The following UBN2 variants were observed in gnomAD, a reference collection of about 807,000 sequenced individuals.
UBN2 encodes ubinuclein-2.
UBN2 carries 35 observed loss-of-function variants against 120.2 expected under a neutral mutation model. The observed-to-expected ratio is 0.29, with a 90% CI of 0.22 to 0.39. UBN2 has a LOEUF of 0.39. UBN2 is among the 10% of genes least tolerant of loss of function. The pLI is 1.00. For synonymous variants in UBN2, 661 were observed against 648.7 expected (o/e 1.02, Z -0.29); for missense variants, 1,693 against 1,663.2 (o/e 1.02, Z -0.31).
rs570291256 is a variant in UBN2 at position 139,285,788 on chromosome 7, G to A, written c.3669+1214G>A. 1.9e-3 allele frequency among the ~76,000 whole-genome samples: 293 copies of A among 151,726 alleles called. 1 individual carries two copies. The highest frequency in any genetic ancestry group is 6.6e-3 in the African/African-American group (274 of 41,418). ...GACAGAGTCTCGCTCTGTCGTCCACGCTGGAGGGCAGTGGCGCAATCTTGG... is the reference window on the plus strand; with the variant it reads ...GACAGAGTCTCGCTCTGTCGTCCACACTGGAGGGCAGTGGCGCAATCTTGG... On this transcript the variant is annotated intron_variant, in intron 15 of 17. Transcript: ENST00000473989.
At position 139,284,115 on chromosome 7, in the gene UBN2, A is replaced by G. The variant is rs1427703491; in HGVS notation, c.3210A>G (p.Ser1070=). The G allele has an allele frequency of 2.5e-6, 4 of 1,614,016 alleles. No individual in the cohort carries two copies. Among genetic ancestry groups the G allele is most frequent in the South Asian group, 1.1e-5 (1 of 91,072 alleles). Residue 1070 remains serine, a synonymous_variant, in exon 15 of 18, where the codon TCA becomes TCG. Coordinates refer to ENST00000473989, the MANE Select transcript of UBN2 (RefSeq NM_173569.4). ...AGCCCTCTCTGTCAGCTAAGCCTTC[A>G]GTATCAACTAAACTTATTTCTAAAT... ...SPKPSLSAKP[S]VSTKLISKSN... is the part of the protein sequence containing the mutation.
At chr7:139,235,610 T>C (rs1157044440) in intron 1 of UBN2, among the ~76,000 whole-genome samples, 1 of 152,180 alleles carries the variant, frequency 6.6e-6, no homozygotes, top group African/African-American at 2.4e-5. Flanking sequence ...TTTCACCATG[T>C]TGGCTAGCCT....
chr7:139,268,796 C>A (rs991747065), intron 7 of UBN2, among the ~76,000 whole-genome samples: 1 of 152,146 alleles, frequency 6.6e-6, no homozygotes, highest in Admixed American at 6.5e-5. Flanking sequence ...TTGTGCTTTA[C>A]CCAAAACCAT....
chr7:139,317,987 T>TA, the UBN2 span, among the ~76,000 whole-genome samples: 1 of 152,162 alleles, frequency 6.6e-6, no homozygotes, highest in African/African-American at 2.4e-5. Flanking sequence ...TTTATCCACT[T>TA]TCCTGAGTTT....
chr7:139,240,446 A>G (rs1371069149), intron 2 of UBN2, among the ~76,000 whole-genome samples: 5 of 39,554 alleles, frequency 1.3e-4, no homozygotes, highest in African/African-American at 2.0e-4. Flanking sequence ...ATATATATAT[A>G]TATATATATT....
intron 2 of UBN2, among the ~76,000 whole-genome samples, chr7:139,251,723 A>T (rs1160325540): frequency 6.6e-6 from 1 of 152,214 alleles, no homozygotes; most frequent in Non-Finnish European, 1.5e-5. Flanking sequence ...GTAGTCACCT[A>T]GAGAGGTAGT....
intron 6 of UBN2, among the ~76,000 whole-genome samples, chr7:139,263,677 G>A (rs1406946423): frequency 6.6e-6 from 1 of 151,724 alleles, no homozygotes; most frequent in Non-Finnish European, 1.5e-5. Flanking sequence ...GGGAGGCTGA[G>A]GTGGGAGAAT....
intron 3 of UBN2, among the ~76,000 whole-genome samples, chr7:139,256,081 C>T (rs1796758455): frequency 6.6e-6 from 1 of 152,128 alleles, no homozygotes; most frequent in African/African-American, 2.4e-5. Context: ...AGTGTGTTAC[C>T]TCTTAACACA....
At chr7:139,323,611 C>T in the UBN2 span, among the ~76,000 whole-genome samples, 15 of 148,624 alleles carry the variant, frequency 1.0e-4, no homozygotes, top group South Asian at 3.2e-3. Flanking sequence ...ATTTTTGAGA[C>T]GGAGTCTCAC....
In UBN2 at chr7:139,303,297, A is replaced by AT. The variant is rs1798302165; in HGVS notation, c.*5467dup. 2 of 152,210 alleles carry AT rather than the reference A, an allele frequency of 1.3e-5. No individual in the cohort carries two copies. Among genetic ancestry groups the AT allele is most frequent in the African/African-American group, 2.4e-5 (1 of 41,452 alleles). The allele number at this position is 152,210 out of a possible 1,614,324, so 9.4% of individuals were successfully genotyped here. The stretch of plus-strand genomic sequence containing the variant: ...AATTTTCAGTATCTAAGATTCATCG[A>AT]TTTTTTGTTGAAAACAAATAGATGT... On this transcript the variant is annotated 3_prime_UTR_variant, in exon 18 of 18. Transcript: ENST00000473989.
chr7:139,268,993 G>A (rs1049886393), intron 7 of UBN2, among the ~76,000 whole-genome samples: 1 of 152,122 alleles, frequency 6.6e-6, no homozygotes, highest in African/African-American at 2.4e-5. Flanking sequence ...GATCATCTGA[G>A]GTCAGGAGTT....
At chr7:139,318,175 A>G in the UBN2 span, among the ~76,000 whole-genome samples, 1 of 152,178 alleles carries the variant, frequency 6.6e-6, no homozygotes, top group African/African-American at 2.4e-5. Context: ...TACTCTTAAA[A>G]TACCTGGTGA....
At chr7:139,240,352 C>A (rs2130934879) in intron 2 of UBN2, among the ~76,000 whole-genome samples, 1 of 149,846 alleles carries the variant, frequency 6.7e-6, no homozygotes, top group East Asian at 1.9e-4. Context: ...GTCTTAAACT[C>A]ATGAGCCTAA....
At chr7:139,329,101 C>G in the UBN2 span, among the ~76,000 whole-genome samples, 12 of 151,276 alleles carry the variant, frequency 7.9e-5, no homozygotes, top group Non-Finnish European at 1.5e-4. Flanking sequence ...TAATTATAAA[C>G]TTCAAGGCCA....
At chr7:139,251,062 G>GC (rs1796611591) in intron 2 of UBN2, among the ~76,000 whole-genome samples, 1 of 152,074 alleles carries the variant, frequency 6.6e-6, no homozygotes, top group Non-Finnish European at 1.5e-5. Context: ...CCATGATCAT[G>GC]CCACTGCACT....
At position 139,273,339 on chromosome 7, in the gene UBN2, G is replaced by A; in HGVS notation, c.1758G>A (p.Glu586=). The change falls in exon 10 of 18, where the codon GAG becomes GAA. Residue 586 remains glutamate, a synonymous_variant. Coordinates refer to ENST00000473989, the MANE Select transcript of UBN2 (RefSeq NM_173569.4). ...AACGAGAAAAAAATGGATCTGAAGAGGATGATGATGAGAAACCAGGAAAAC... is the reference window on the plus strand; with the variant it reads ...AACGAGAAAAAAATGGATCTGAAGAAGATGATGATGAGAAACCAGGAAAAC... ...DEEREKNGSE[E]DDDEKPGKRV... is the part of the protein sequence containing the mutation. 3 of 1,609,734 alleles carry A rather than the reference G, an allele frequency of 1.9e-6. No individual in the cohort carries two copies. Among genetic ancestry groups the A allele is most frequent in the Non-Finnish European group, 8.5e-7 (1 of 1,177,660 alleles).
At chr7:139,246,004 A>G (rs532102792) in intron 2 of UBN2, among the ~76,000 whole-genome samples, 4 of 152,332 alleles carry the variant, frequency 2.6e-5, no homozygotes, top group Non-Finnish European at 4.4e-5. Context: ...CTTTTGAAGC[A>G]TTTTGAGCAG....
chr7:139,319,132 A>T, the UBN2 span, among the ~76,000 whole-genome samples: 1 of 152,168 alleles, frequency 6.6e-6, no homozygotes, highest in African/African-American at 2.4e-5. Flanking sequence ...CCCAGGCTGC[A>T]GTGCAGAGGT....
At chr7:139,244,661 T>C (rs1462863104) in intron 2 of UBN2, among the ~76,000 whole-genome samples, 3 of 152,146 alleles carry the variant, frequency 2.0e-5, no homozygotes, top group African/African-American at 7.2e-5. Flanking sequence ...CTGCTTGTTG[T>C]GTATTCTTTG....
Sources: gnomAD v4.1 joint callset for allele counts (sites outside exome capture counted in the v4.1 genomes callset) on GRCh38, gnomAD v4.1.1 for gene constraint, MANE v1.5 for transcripts, NCBI Gene and HGNC (gene_info 2026-07-23, HGNC 2026-07-21) for gene names.